INPP5A: variants seen among roughly 807,000 people sequenced by gnomAD.
INPP5A encodes inositol polyphosphate-5-phosphatase A, also known as 43 kDa inositol polyphosphate 5-phophatase.
INPP5A carries 14 observed loss-of-function variants against 65.2 expected under a neutral mutation model. That is an observed-to-expected ratio of 0.21 (90% confidence interval 0.14 to 0.34). The LOEUF (loss-of-function observed/expected upper bound fraction) is 0.34. INPP5A is among the 10% of genes least tolerant of loss of function. The probability of loss-of-function intolerance (pLI) is 1.00; values close to 1 mark genes in which losing one functional copy is unlikely to be tolerated. For synonymous variants in INPP5A, 207 were observed against 208.3 expected, an observed-to-expected ratio of 0.99 and a Z score of 0.05; for missense variants, 431 against 545.6, an observed-to-expected ratio of 0.79 and a Z score of 2.09.
rs1373790583 is a variant in INPP5A at position 132,704,587 on chromosome 10, G to A, written c.475-3726G>A. Among the ~76,000 whole-genome samples, 1 of 152,226 alleles carries A rather than the reference G, an allele frequency of 6.6e-6. No homozygotes were observed. Among genetic ancestry groups the A allele is most frequent in the Non-Finnish European group, 1.5e-5 (1 of 68,044 alleles). ...GGCCCCACAGCTGGGACTTGAACCT[G>A]GCAGCCTGGCAGTCCTGTCTTACCC... On this transcript the variant is annotated intron_variant, in intron 6 of 15. Coordinates refer to ENST00000368594, the MANE Select transcript of INPP5A (RefSeq NM_005539.5). The surrounding 1 kb of genome is among the most constrained non-coding windows in gnomAD (Gnocchi z 4.5).
rs989519970 is a variant in INPP5A at position 132,707,349 on chromosome 10, A to C, written c.475-964A>C. Among the ~76,000 whole-genome samples, 2 of 134,914 alleles carry C rather than the reference A, an allele frequency of 1.5e-5. No homozygotes were observed. Among genetic ancestry groups the C allele is most frequent in the Non-Finnish European group, 3.3e-5 (2 of 60,312 alleles). The allele number at this position is 134,914 out of a possible 152,430, so 88.5% of individuals were successfully genotyped here. ...GCTGCCGTTCCCCCGCCACTGCCTG[A>C]AGCGCTTTGCTTTGTGGACCTTGGA... On this transcript the variant is annotated intron_variant, in intron 6 of 15. Coordinates refer to ENST00000368594, the MANE Select transcript of INPP5A (RefSeq NM_005539.5). This position sits in a 1 kb window ranked among gnomAD's most constrained non-coding sequence, Gnocchi z 5.5.
At chr10:132,765,201 G>A (rs929857607) in intron 11 of INPP5A, among the ~76,000 whole-genome samples, 2 of 152,206 alleles carry the variant, frequency 1.3e-5, no homozygotes, top group African/African-American at 4.8e-5. Context: ...CTGCAGGTGT[G>A]GGAGGTGATG....
intron 8 of INPP5A, among the ~76,000 whole-genome samples, chr10:132,712,211 G>GTGTGTGCATGCCTGAGTGTGCACACCT (rs1297693900): frequency 6.6e-6 from 1 of 152,096 alleles, no homozygotes; most frequent in Admixed American, 6.5e-5. Context: ...GTGCCTGTGC[G>GTGTGTGCATGCCTGAGTGTGCACACCT]TGTGTGCATG....
At chr10:132,619,226 T>A (rs2072081340) in intron 2 of INPP5A, among the ~76,000 whole-genome samples, 1 of 152,236 alleles carries the variant, frequency 6.6e-6, no homozygotes, top group Admixed American at 6.5e-5. Flanking sequence ...GGTAAACATT[T>A]CTGCTTCAAA....
chr10:132,719,380 G>A (rs1394710168), intron 8 of INPP5A, among the ~76,000 whole-genome samples: 7 of 149,640 alleles, frequency 4.7e-5, no homozygotes, highest in East Asian at 4.0e-4. Context: ...GCTGTCTTGC[G>A]GGTTCTGTGG....
Position 132,636,597 on chromosome 10 carries a change from G to T in INPP5A, c.118-9271G>T, listed in dbSNP as rs940546108. Among the ~76,000 whole-genome samples, 4 of 152,230 alleles carry T rather than the reference G, an allele frequency of 2.6e-5. No individual in the cohort carries two copies. In the East Asian group the frequency reaches 7.7e-4, roughly 29 times the overall value. ...CGCACAGCCACCCCCAGTCGCTCCT[G>T]TCCCTTGGGGCTGCCCTTGCGCTGC... is the stretch of plus-strand genomic sequence containing the variant. On this transcript the variant is annotated intron_variant, in intron 2 of 15. Transcript: ENST00000368594.
intron 1 of INPP5A, among the ~76,000 whole-genome samples, chr10:132,543,310 T>C (rs776263133): frequency 4.7e-4 from 71 of 151,780 alleles, no homozygotes; most frequent in Non-Finnish European, 8.8e-4. Flanking sequence ...GCGTTTCACA[T>C]ACATGGGATC....
chr10:132,572,182 C>A (rs372570030), intron 1 of INPP5A, among the ~76,000 whole-genome samples: 1 of 152,226 alleles, frequency 6.6e-6, no homozygotes, highest in African/African-American at 2.4e-5. Flanking sequence ...CCAGGTGTGC[C>A]GAGAGGCTGG....
chr10:132,571,279 AGAG>A, intron 1 of INPP5A, among the ~76,000 whole-genome samples: 1 of 152,386 alleles, frequency 6.6e-6, no homozygotes, highest in South Asian at 2.1e-4. Context: ...CCTGCCGAGC[AGAG>A]GAGGAGGGCC....
At chr10:132,631,869 C>T (rs1329847225) in intron 2 of INPP5A, among the ~76,000 whole-genome samples, 4 of 152,118 alleles carry the variant, frequency 2.6e-5, no homozygotes, top group African/African-American at 7.2e-5. Context: ...CCCTTTTTTC[C>T]TTTAAGGTAG....
At chr10:132,634,315 A>C (rs1041486420) in intron 2 of INPP5A, among the ~76,000 whole-genome samples, 1 of 145,658 alleles carries the variant, frequency 6.9e-6, no homozygotes, top group Admixed American at 6.7e-5. Context: ...TGTGCCCCGG[A>C]GAGGCGTATC....
intron 2 of INPP5A, among the ~76,000 whole-genome samples, chr10:132,615,530 C>T (rs117330669): frequency 0.015 from 2,306 of 152,292 alleles, 33 homozygotes; most frequent in South Asian, 0.039. Context: ...CCTGAACTCT[C>T]GGAACCTGGA....
At chr10:132,755,454 G>A (rs1386879508) in intron 11 of INPP5A, among the ~76,000 whole-genome samples, 4 of 150,186 alleles carry the variant, frequency 2.7e-5, no homozygotes, top group African/African-American at 9.9e-5. Context: ...GAGAGCAGGT[G>A]TGAGCGAGTG....
intron 4 of INPP5A, among the ~76,000 whole-genome samples, chr10:132,652,662 G>A (rs926259497): frequency 7.2e-5 from 11 of 152,146 alleles, no homozygotes; most frequent in Non-Finnish European, 1.3e-4. Flanking sequence ...GGGGACCATC[G>A]CTCAGCTCTT....
In INPP5A at chr10:132,773,497, C is replaced by T. The variant is rs190818128; in HGVS notation, c.978-4174C>T. Reference sequence around the variant, plus strand: ...ATTAGGAGGCCCCTTTCAAACTTTCCGTGGGCCATAATTTATGTTCTCCTG... The same window carrying T: ...ATTAGGAGGCCCCTTTCAAACTTTCTGTGGGCCATAATTTATGTTCTCCTG... On this transcript the variant is annotated intron_variant, in intron 12 of 15. Coordinates refer to ENST00000368594, the MANE Select transcript of INPP5A (RefSeq NM_005539.5). 9.2e-5 allele frequency among the ~76,000 whole-genome samples: 14 copies of T among 152,166 alleles called. No individual in the cohort carries two copies. In the East Asian group the frequency reaches 1.3e-3, roughly 15 times the overall value.
rs1158351630 is a variant in INPP5A, at chr10:132,780,866, G to A, written c.1107G>A (p.Lys369=). 3 of 1,613,308 alleles carry A rather than the reference G, an allele frequency of 1.9e-6. No individual in the cohort carries two copies. Among genetic ancestry groups the A allele is most frequent in the Non-Finnish European group, 2.5e-6 (3 of 1,179,946 alleles). ...ELVLRSESEE[K]VVTYDHIGPN... The stretch of plus-strand genomic sequence containing the variant: ...CTTTCCAGTCGGAGAGCGAGGAGAA[G>A]GTTGTCACCTATGACCACATTGGGC... Residue 369 remains lysine, a synonymous_variant, in exon 14 of 16, where the codon AAG becomes AAA. Coordinates refer to ENST00000368594, the MANE Select transcript of INPP5A (RefSeq NM_005539.5).
Position 132,545,912 on chromosome 10 carries a change from G to T in INPP5A, c.75+7741G>T, listed in dbSNP as rs191424959. ...GGTTGCTGCCTCCGCTCGGCCTGAG[G>T]TGATGAGAGTGTGGATGGCACCTGC... On this transcript the variant is annotated intron_variant, in intron 1 of 15. Transcript: ENST00000368594. The surrounding 1 kb of genome is among the most constrained non-coding windows in gnomAD (Gnocchi z 4.6). Among the ~76,000 whole-genome samples the T allele has an allele frequency of 5.9e-5, 9 of 152,372 alleles. No individual in the cohort carries two copies. In the East Asian group the frequency reaches 1.7e-3, roughly 29 times the overall value.
intron 4 of INPP5A, among the ~76,000 whole-genome samples, chr10:132,680,379 A>T (rs1401391427): frequency 6.6e-6 from 1 of 152,238 alleles, no homozygotes; most frequent in African/African-American, 2.4e-5. Context: ...CTTTAGGGAG[A>T]TGCAGATCCA....
At chr10:132,750,837 A>AAGCTG (rs1168585549) in intron 11 of INPP5A, among the ~76,000 whole-genome samples, 1 of 152,140 alleles carries the variant, frequency 6.6e-6, no homozygotes, top group South Asian at 2.1e-4. Flanking sequence ...TGTCCTCAGG[A>AAGCTG]AGCTGTCTGG....
Sources: allele counts gnomAD v4.1 joint callset (sites outside exome capture counted in the v4.1 genomes callset), GRCh38; gene constraint gnomAD v4.1.1; non-coding constraint Gnocchi (gnomAD v3.1); transcripts MANE v1.5; gene names NCBI Gene and HGNC (gene_info 2026-07-23, HGNC 2026-07-21).